The following JADE3 variants were observed in gnomAD, a reference collection of about 807,000 sequenced individuals.
JADE3 encodes jade family PHD finger 3.
JADE3 carries 2 observed loss-of-function variants against 50.1 expected under a neutral mutation model. The ratio of observed to expected loss-of-function variants is 0.04; its 90% confidence interval spans 0.02 to 0.13. JADE3 has a LOEUF of 0.13. Among genes scored for constraint, JADE3 ranks in the 10% least tolerant of loss-of-function variants. The probability of loss-of-function intolerance (pLI) is 1.00; values close to 1 mark genes in which losing one functional copy is unlikely to be tolerated. For missense variants in JADE3, 475 were observed against 634.4 expected (o/e 0.75, Z 2.70); for synonymous variants, 218 against 232.9 (o/e 0.94, Z 0.58).
At chrX:46,967,828 A>T (rs1927400198) in intron 1 of JADE3, among the ~76,000 whole-genome samples, 1 of 112,388 alleles carries the variant, frequency 8.9e-6, no homozygotes, top group African/African-American at 3.2e-5. Context: ...CACATTTTAA[A>T]TTCTGTTAAC....
chrX:47,025,138 A>G (rs1296882893), intron 5 of JADE3, among the ~76,000 whole-genome samples: 1 of 112,020 alleles, frequency 8.9e-6, no homozygotes, highest in Non-Finnish European at 1.9e-5. Context: ...CCTCATTCAT[A>G]GTTAATGGCA....
chrX:46,973,769 G>A (rs782060245), intron 1 of JADE3, among the ~76,000 whole-genome samples: 2 of 112,626 alleles, frequency 1.8e-5, no homozygotes, highest in East Asian at 2.8e-4. Flanking sequence ...CACATTTATA[G>A]CATTCATGAC....
At chrX:46,993,029 A>G (rs181184327) in intron 3 of JADE3, among the ~76,000 whole-genome samples, 117 of 111,669 alleles carry the variant, frequency 1.0e-3, no homozygotes, top group Non-Finnish European at 1.8e-3. Context: ...GTTGTTTTTA[A>G]TCCCTAGAAA....
chrX:47,036,473 G>A (rs1360563308), intron 7 of JADE3, among the ~76,000 whole-genome samples: 1 of 109,377 alleles, frequency 9.1e-6, no homozygotes, highest in East Asian at 2.9e-4. Context: ...GTGCTGGAGA[G>A]GATGTGGAGA....
chrX:47,033,867 T>C (rs1929074962), intron 7 of JADE3, 79 bp downstream of exon 7: 2 of 868,050 alleles, frequency 2.3e-6, no homozygotes, highest in Non-Finnish European at 3.2e-6. Context: ...TGACTCAGGC[T>C]CAGTATGGAA....
At chrX:47,015,456 T>C (rs1556362648) in intron 4 of JADE3, among the ~76,000 whole-genome samples, 1 of 108,883 alleles carries the variant, frequency 9.2e-6, no homozygotes, top group African/African-American at 3.3e-5. Flanking sequence ...TGGTGGCTTA[T>C]GCCTGTAATC....
At chrX:46,936,995 C>T (rs1191606343) in intron 1 of JADE3, among the ~76,000 whole-genome samples, 1 of 111,429 alleles carries the variant, frequency 9.0e-6, no homozygotes, top group African/African-American at 3.3e-5. Flanking sequence ...TTATTTTGCT[C>T]TTCTTTTCAT....
chrX:47,055,939 G>A, intron 9 of JADE3, 143 bp from the exon 10 acceptor site: 2 of 408,026 alleles, frequency 4.9e-6, no homozygotes, highest in Admixed American at 4.1e-5. Flanking sequence ...CCTGTGGAGT[G>A]GGTCTCATTC....
intron 9 of JADE3, among the ~76,000 whole-genome samples, chrX:47,055,127 GCA>G (rs1268968879): frequency 9.1e-6 from 1 of 110,478 alleles, no homozygotes; most frequent in Non-Finnish European, 1.9e-5. Context: ...AGTAGCACCC[GCA>G]CACACACCCC....
intron 1 of JADE3, among the ~76,000 whole-genome samples, chrX:46,917,719 A>G (rs1556336644): frequency 6.4e-5 from 7 of 109,393 alleles, no homozygotes; most frequent in Non-Finnish European, 1.3e-4. Flanking sequence ...ACGGGACCTC[A>G]TTAAAGAGCT....
intron 1 of JADE3, among the ~76,000 whole-genome samples, chrX:46,923,123 C>G (rs373459969): frequency 9.1e-6 from 1 of 109,696 alleles, no homozygotes; most frequent in Non-Finnish European, 1.9e-5. Context: ...AGCTATCCTC[C>G]CATCTCAGGC....
intron 4 of JADE3, among the ~76,000 whole-genome samples, chrX:47,014,312 TTTAA>T (rs1233510222): frequency 8.9e-6 from 1 of 112,289 alleles, no homozygotes; most frequent in Non-Finnish European, 1.9e-5. Flanking sequence ...ATCAGTCCTC[TTTAA>T]TTAGGGCATG....
chrX:47,038,844 CATT>C (rs1414843399), intron 7 of JADE3, 102 bp from the exon 8 acceptor site: 3 of 487,221 alleles, frequency 6.2e-6, no homozygotes, highest in Non-Finnish European at 1.1e-5. Context: ...TGACTTACCT[CATT>C]GTTTTGATGT....
chrX:47,014,439 C>T (rs956628790), intron 4 of JADE3, among the ~76,000 whole-genome samples: 1 of 111,991 alleles, frequency 8.9e-6, no homozygotes, highest in Non-Finnish European at 1.9e-5. Context: ...CATTTGTAAA[C>T]TGCTGATTTC....
At chrX:46,975,166 T>G (rs1305112472) in intron 1 of JADE3, among the ~76,000 whole-genome samples, 1 of 112,648 alleles carries the variant, frequency 8.9e-6, no homozygotes, top group Non-Finnish European at 1.9e-5. Flanking sequence ...TTTAATTGAT[T>G]ATATTGCACT....
At chrX:46,928,565 G>C (rs1431511199) in intron 1 of JADE3, among the ~76,000 whole-genome samples, 1 of 111,580 alleles carries the variant, frequency 9.0e-6, no homozygotes, top group Non-Finnish European at 1.9e-5. Context: ...AAAATTACAT[G>C]TAACATGTTC....
At position 46,984,811 on chromosome X, in the gene JADE3, A is replaced by G. The variant is rs908320529; in HGVS notation, c.-11-73A>G. 185 of 720,757 alleles carry G rather than the reference A, an allele frequency of 2.6e-4. 1 individual carries two copies. The highest frequency in any genetic ancestry group is 3.3e-5 in the Non-Finnish European group (15 of 456,262). The allele number at this position is 720,757 out of a possible 1,213,427, so 59.4% of individuals were successfully genotyped here. A position where few individuals can be genotyped will look rare whatever the true frequency, so the allele number is the denominator to read the frequency against. On this transcript the variant is annotated intron_variant, in intron 1 of 10. Transcript: ENST00000614628. ...TTGCTTGCTGCTATTTCTGGGATCCATGGGACAGTGTTGACTGCCCTCTGG... is the reference window on the plus strand; with the variant it reads ...TTGCTTGCTGCTATTTCTGGGATCCGTGGGACAGTGTTGACTGCCCTCTGG...
rs1016803491 is a variant in JADE3, at chrX:46,972,070, C to G, written c.-11-12814C>G. Among the ~76,000 whole-genome samples, 3 of 111,761 alleles carry G rather than the reference C, an allele frequency of 2.7e-5. No homozygotes were observed. In the East Asian group the frequency reaches 8.3e-4, roughly 31 times the overall value. The stretch of plus-strand genomic sequence containing the variant: ...CGTGTGAGCTAAATCTAGCTTGTCA[C>G]TTATTTTGATATGGCCTACAAGCAT... On this transcript the variant is annotated intron_variant, in intron 1 of 10. Coordinates refer to ENST00000614628, the MANE Select transcript of JADE3 (RefSeq NM_014735.5).
intron 1 of JADE3, among the ~76,000 whole-genome samples, chrX:46,964,143 A>G (rs1927320467): frequency 8.9e-6 from 1 of 112,070 alleles, no homozygotes; most frequent in Admixed American, 9.4e-5. Flanking sequence ...TGAGACCTGG[A>G]TGTGTATCAC....
Sources: allele counts gnomAD v4.1 joint callset (sites outside exome capture counted in the v4.1 genomes callset), GRCh38; gene constraint gnomAD v4.1.1; transcripts MANE v1.5; gene names NCBI Gene and HGNC (gene_info 2026-07-23, HGNC 2026-07-21).